The following CAPN12 variants were observed in gnomAD, a reference collection of about 807,000 sequenced individuals.
CAPN12 encodes calpain-12.
Under a neutral mutation model 95.0 loss-of-function variants are expected in CAPN12, and 107 were observed. The observed-to-expected ratio is 1.13, with a 90% CI of 0.96 to 1.32. The LOEUF (loss-of-function observed/expected upper bound fraction) is 1.32. Among genes scored for constraint, CAPN12 ranks in the 40% most tolerant of loss-of-function variants. The pLI, the probability that CAPN12 is intolerant of heterozygous loss-of-function variation, is 0.00. For synonymous variants in CAPN12, 505 were observed against 415.5 expected (o/e 1.22, Z -2.62); for missense variants, 1,136 against 997.8 (o/e 1.14, Z -1.87).
At position 38,737,564 on chromosome 19, in the gene CAPN12, G is replaced by C. The variant is rs757476845; in HGVS notation, c.1040C>G (p.Pro347Arg). 4.3e-6 allele frequency: 7 copies of C among 1,612,414 alleles called. No individual in the cohort carries two copies. The highest frequency in any genetic ancestry group is 5.9e-6 in the Non-Finnish European group (7 of 1,179,842). ...ICSLSPEVLGPSPEGGGWHVH... is the reference protein window; with the variant it reads ...ICSLSPEVLGRSPEGGGWHVH... Reference sequence around the variant, plus strand: ...GTGCCAGCCGCCCCCCTCCGGGCTGGGGCCCAGCACCTCCGGGCTCAGCGA... The same window carrying C: ...GTGCCAGCCGCCCCCCTCCGGGCTGCGGCCCAGCACCTCCGGGCTCAGCGA... The change falls in exon 9 of 21, where the codon CCC becomes CGC. Residue 347 changes from proline (P) to arginine (R), a missense_variant. Physicochemically the swap from Pro to Arg is moderately radical, Grantham distance 103 (BLOSUM62 -2). Coordinates refer to ENST00000328867, the MANE Select transcript of CAPN12 (RefSeq NM_144691.4).
chr19:38,741,697 G>A, intron 4 of CAPN12, 80 bp downstream of exon 4: 1 of 1,552,890 alleles, frequency 6.4e-7, no homozygotes, highest in Non-Finnish European at 8.7e-7. Context: ...TGCAGAGCTT[G>A]GGGGACTCTG....
intron 2 of CAPN12, 129 bp downstream of exon 2, chr19:38,742,904 A>G (rs1347456397): frequency 1.2e-5 from 6 of 490,162 alleles, no homozygotes; most frequent in African/African-American, 6.3e-5. Flanking sequence ...AGGGAGAGAG[A>G]GGCCTAGGGA....
Position 38,743,971 on chromosome 19 carries a change from C to G in CAPN12, c.195G>C (p.Pro65=). The G allele has an allele frequency of 6.2e-7, 1 of 1,614,232 alleles. No individual in the cohort carries two copies. Among genetic ancestry groups the G allele is most frequent in the East Asian group, 2.2e-5 (1 of 44,894 alleles). The part of the protein sequence containing the change: ...PDALGYDQLG[P]DSEKAKGVKW... ...TCACGCCTTTGGCCTTCTCCGAGTC[C>G]GGCCCCAGCTGGTCATAGCCAAGGG... The change falls in exon 1 of 21, where the codon CCG becomes CCC. Residue 65 remains proline, a synonymous_variant. Coordinates refer to ENST00000328867, the MANE Select transcript of CAPN12 (RefSeq NM_144691.4).
Position 38,741,873 on chromosome 19 carries a change from TCCA to T in CAPN12, c.461_463del (p.Val154del), listed in dbSNP as rs1970566407. ...CCCCTCACGCACGGGCAGCCTGTCATCCACCACGACGTCCATCCAGCGGCCAAA... is the reference window on the plus strand; with the variant it reads ...CCCCTCACGCACGGGCAGCCTGTCATCCACGACGTCCATCCAGCGGCCAAA... On this transcript the variant is annotated inframe_deletion, in exon 4 of 21. Coordinates refer to ENST00000328867, the MANE Select transcript of CAPN12 (RefSeq NM_144691.4). 3.1e-6 allele frequency: 5 copies of T among 1,614,024 alleles called. No homozygotes were observed. The Middle Eastern group carries it at 6.6e-4, about 213-fold the overall frequency.
At chr19:38,732,090 C>T (rs75805203) in intron 18 of CAPN12, among the ~76,000 whole-genome samples, 3,599 of 152,352 alleles carry the variant, frequency 0.024, 74 homozygotes, top group Admixed American at 0.059. Flanking sequence ...CAGGAGTTCC[C>T]GTTTGAGAAA....
At chr19:38,735,169 C>G in intron 14 of CAPN12, 3 of 612,646 alleles carry the variant, frequency 4.9e-6, no homozygotes, top group South Asian at 2.1e-5. Context: ...AGAGGGTGGT[C>G]CTGGGAGAGG....
intron 1 of CAPN12, among the ~76,000 whole-genome samples, chr19:38,743,586 C>G (rs55763861): frequency 1.9e-5 from 2 of 103,744 alleles, no homozygotes; most frequent in Non-Finnish European, 4.5e-5. Context: ...AGTCCAGGTC[C>G]CCAGCCCCCT....
chr19:38,736,729 C>T, intron 10 of CAPN12, 166 bp from the exon 11 acceptor site: 1 of 816,364 alleles, frequency 1.2e-6, no homozygotes, highest in Non-Finnish European at 1.9e-6. Context: ...CCTCGCCGAC[C>T]CCTCCCCAAC....
chr19:38,735,155 A>AGGGAGAGGGTGGTCCT (rs759914154), intron 14 of CAPN12: 38 of 604,110 alleles, frequency 6.3e-5, no homozygotes, highest in Non-Finnish European at 7.8e-5. Context: ...AGGTGTCAGG[A>AGGGAGAGGGTGGTCCT]GGGAGAGGGT....
chr19:38,742,870 A>AAAAAAAAAAAAGG (rs1970636378), intron 2 of CAPN12, among the ~76,000 whole-genome samples, 163 bp downstream of exon 2: 1 of 148,778 alleles, frequency 6.7e-6, no homozygotes, highest in Non-Finnish European at 1.5e-5. Flanking sequence ...AAAAAAAAAA[A>AAAAAAAAAAAAGG]AAGGAAGGAA....
chr19:38,735,243 G>T (rs183978663), intron 14 of CAPN12, 127 bp downstream of exon 14: 368 of 923,874 alleles, frequency 4.0e-4, no homozygotes, highest in Non-Finnish European at 3.1e-4. Flanking sequence ...AAAAGGTCAG[G>T]AGATTTAAGC....
Position 38,737,563 on chromosome 19 carries a change from GGGGCCCAGCACCTCC to G in CAPN12, c.1026_1040del (p.Glu343_Pro347del). 6.2e-7 allele frequency: 1 copy of G among 1,612,394 alleles called. No individual in the cohort carries two copies. ...CGTGCCAGCCGCCCCCCTCCGGGCTGGGGCCCAGCACCTCCGGGCTCAGCGAGCAGATCTGCACGG... is the reference window on the plus strand; with the variant it reads ...CGTGCCAGCCGCCCCCCTCCGGGCTGGGGCTCAGCGAGCAGATCTGCACGG... On this transcript the variant is annotated inframe_deletion, in exon 9 of 21. Transcript: ENST00000328867.
chr19:38,730,945 G>C lies in CAPN12; in HGVS notation c.2133+20C>G. 1 of 1,550,580 alleles carries C rather than the reference G, an allele frequency of 6.4e-7. No homozygotes were observed. Among genetic ancestry groups the C allele is most frequent in the Non-Finnish European group, 8.7e-7 (1 of 1,147,060 alleles). ...CGCAGGACAGAGCCTGAGCCACCCTGTCCCTCCCACCTGGCTCACCTGTCT... is the reference window on the plus strand; with the variant it reads ...CGCAGGACAGAGCCTGAGCCACCCTCTCCCTCCCACCTGGCTCACCTGTCT... On this transcript the variant is annotated intron_variant, in intron 20 of 20. Coordinates refer to ENST00000328867, the MANE Select transcript of CAPN12 (RefSeq NM_144691.4).
intron 12 of CAPN12, among the ~76,000 whole-genome samples, 148 bp downstream of exon 12, chr19:38,735,942 CGGGGCGGGGCGGGGGTTCTG>C (rs1357837320): frequency 1.1e-4 from 1 of 9,456 alleles, no homozygotes; most frequent in Non-Finnish European, 2.6e-4. Flanking sequence ...GTTCTGGGGG[CGGGGCGGGGCGGGGGTTCTG>C]GGGGCGGGGC....
In CAPN12 at chr19:38,735,906, TGGGG is replaced by T. The variant is rs1210050124; in HGVS notation, c.1583+200_1583+203del. Among the ~76,000 whole-genome samples the T allele has an allele frequency of 2.3e-3, 5 of 2,210 alleles. 1 individual carries two copies. The highest frequency in any genetic ancestry group is 3.2e-3 in the Non-Finnish European group (3 of 934). The allele number at this position is 2,210 out of a possible 152,430, so 1.4% of individuals were successfully genotyped here. On this transcript the variant is annotated intron_variant, in intron 12 of 20. Transcript: ENST00000328867. ...GCGGGGCGGGGCGGGGCGGGGGTTC[TGGGG>T]GCGGGGCGGGGCGGGGCGGGGGTTC...
At chr19:38,742,582 G>A in intron 2 of CAPN12, 54 bp from the exon 3 acceptor site, 1 of 1,278,838 alleles carries the variant, frequency 7.8e-7, no homozygotes, top group African/African-American at 1.5e-5. Context: ...GCCTGGTGCG[G>A]TGGCTCATGC....
In CAPN12 at chr19:38,737,146, A is replaced by G. The variant is rs2145212663; in HGVS notation, c.1362+10T>C. The G allele has an allele frequency of 3.9e-6, 5 of 1,276,568 alleles. No individual in the cohort carries two copies. Among genetic ancestry groups the G allele is most frequent in the Admixed American group, 2.8e-5 (1 of 36,068 alleles). 79.1% of individuals were successfully genotyped at this position (1,276,568 alleles called of 1,614,324 possible). A position where few individuals can be genotyped will look rare whatever the true frequency, so the allele number is the denominator to read the frequency against. On this transcript the variant is annotated intron_variant, in intron 10 of 20. Transcript: ENST00000328867. ...GTTCCCTCCAGCCTCAGCTTTGCCC[A>G]GGACCTCACCTGGAACACGTGGAAG... is the stretch of plus-strand genomic sequence containing the variant.
intron 7 of CAPN12, 34 bp from the exon 8 acceptor site, chr19:38,738,381 G>A (rs1340683383): frequency 1.9e-6 from 3 of 1,611,234 alleles, no homozygotes; most frequent in East Asian, 2.2e-5. Flanking sequence ...GCGGGCAGGT[G>A]GGGTCCAGCC....
intron 1 of CAPN12, 87 bp downstream of exon 1, chr19:38,743,842 C>G: frequency 7.5e-7 from 1 of 1,339,992 alleles, no homozygotes; most frequent in Non-Finnish European, 1.0e-6. Context: ...GTCCAGGCCC[C>G]CAGCCTTCCT....
Sources: allele counts gnomAD v4.1 joint callset (sites outside exome capture counted in the v4.1 genomes callset), GRCh38; gene constraint gnomAD v4.1.1; transcripts MANE v1.5; gene names NCBI Gene and HGNC (gene_info 2026-07-23, HGNC 2026-07-21).